Variants in SINHCAF observed in about 807,000 individuals in gnomAD.
SINHCAF encodes the protein SIN3-HDAC complex associated factor.
SINHCAF carries 3 observed loss-of-function variants against 25.8 expected under a neutral mutation model. The observed-to-expected ratio is 0.12, with a 90% CI of 0.05 to 0.30. The LOEUF is 0.30. SINHCAF is among the 10% of genes least tolerant of loss of function. The pLI is 1.00. For synonymous variants in SINHCAF, 70 were observed against 85.5 expected (o/e 0.82, Z 1.00); for missense variants, 121 against 262.3 (o/e 0.46, Z 3.72).
chr12:31,322,681 T>C (rs1007366895), intron 1 of SINHCAF, among the ~76,000 whole-genome samples: 1 of 152,136 alleles, frequency 6.6e-6, no homozygotes, highest in Non-Finnish European at 1.5e-5. Context: ...AACAAAATAA[T>C]GAAAAAAAAT....
intron 1 of SINHCAF, chr12:31,304,494 G>C (rs180772604): frequency 6.6e-6 from 1 of 152,344 alleles, no homozygotes; most frequent in East Asian, 1.9e-4. Context: ...ATAAGTTAGA[G>C]AATTTGTCCC....
rs200154377 is a variant in SINHCAF, at chr12:31,297,880, A to AGC, written c.128+195_128+196dup. 8.9e-3 allele frequency among the ~76,000 whole-genome samples: 1,359 copies of AGC among 152,284 alleles called. 10 individuals carry two copies. The highest frequency in any genetic ancestry group is 0.035 in the East Asian group (182 of 5,178). On this transcript the variant is annotated intron_variant, in intron 2 of 5. Transcript: ENST00000337682. Reference sequence around the variant, plus strand: ...TAAGGGGCTTCACGATTAATGTGGTAGCTCCTCATAATCTGGAAAAAAGTA... The same window carrying AGC: ...TAAGGGGCTTCACGATTAATGTGGTAGCGCTCCTCATAATCTGGAAAAAAGTA...
chr12:31,285,089 T>C (rs973521426), intron 5 of SINHCAF, among the ~76,000 whole-genome samples: 3 of 152,154 alleles, frequency 2.0e-5, no homozygotes, highest in Non-Finnish European at 4.4e-5. Context: ...TTTAGGTGTC[T>C]TTAAATGTTA....
chr12:31,320,730 CTTTT>C (rs569745560), intron 1 of SINHCAF, among the ~76,000 whole-genome samples: 9 of 151,868 alleles, frequency 5.9e-5, no homozygotes, highest in African/African-American at 2.2e-4. Context: ...AAAAAGGAGT[CTTTT>C]TTTAACATTT....
chr12:31,297,467 ATT>A (rs777087270), intron 2 of SINHCAF, among the ~76,000 whole-genome samples: 6 of 103,426 alleles, frequency 5.8e-5, no homozygotes, highest in East Asian at 2.7e-4. Context: ...GTCAAGCGTA[ATT>A]TTTTTTTTTT....
At chr12:31,316,658 T>G (rs2137131284) in intron 1 of SINHCAF, among the ~76,000 whole-genome samples, 1 of 152,322 alleles carries the variant, frequency 6.6e-6, no homozygotes, top group South Asian at 2.1e-4. Flanking sequence ...CAGCGATAGT[T>G]TATATTAAAG....
chr12:31,284,891 CAT>C (rs886868585), intron 5 of SINHCAF, among the ~76,000 whole-genome samples: 1 of 152,166 alleles, frequency 6.6e-6, no homozygotes, highest in African/African-American at 2.4e-5. Context: ...AGTTTATCCA[CAT>C]CTTTCTTTTT....
intron 5 of SINHCAF, among the ~76,000 whole-genome samples, 158 bp downstream of exon 5, chr12:31,287,476 T>TA (rs1231150881): frequency 6.6e-6 from 1 of 152,222 alleles, no homozygotes; most frequent in Non-Finnish European, 1.5e-5. Flanking sequence ...AGGAAGAACA[T>TA]ACAAAAATCC....
chr12:31,310,860 A>T (rs758404078), intron 1 of SINHCAF, among the ~76,000 whole-genome samples: 1 of 150,968 alleles, frequency 6.6e-6, no homozygotes, highest in African/African-American at 2.4e-5. Context: ...ATTTTAATCT[A>T]ATCTACGATC....
rs1938429659 is a variant in SINHCAF at position 31,293,692 on chromosome 12, T to A, written c.355+113A>T. ...CTACCAAGTCAACGTTGCCTTCCAG[T>A]GCTCTTTATAAAAAGCAATAAAGGA... On this transcript the variant is annotated intron_variant, in intron 4 of 5. Coordinates refer to ENST00000337682, the MANE Select transcript of SINHCAF (RefSeq NM_001135812.2). 3.4e-6 allele frequency: 3 copies of A among 894,852 alleles called. No individual in the cohort carries two copies. The South Asian group carries it at 5.9e-5, about 18-fold the overall frequency. The allele number at this position is 894,852 out of a possible 1,614,324, so 55.4% of individuals were successfully genotyped here.
At chr12:31,320,038 T>C (rs1939639436) in intron 1 of SINHCAF, among the ~76,000 whole-genome samples, 1 of 152,186 alleles carries the variant, frequency 6.6e-6, no homozygotes, top group African/African-American at 2.4e-5. Flanking sequence ...CCATCCCCAC[T>C]GCCTGTTTGT....
Position 31,311,695 on chromosome 12 carries a change from A to G in SINHCAF, c.-20-13471T>C, listed in dbSNP as rs561614185. On this transcript the variant is annotated intron_variant, in intron 1 of 5. Coordinates refer to ENST00000337682, the MANE Select transcript of SINHCAF (RefSeq NM_001135812.2). ...AACAATATTTTTGAAGTATGCAAGC[A>G]TTGAGAAAAATGGTGAATTTTTCAT... 13 of 492,792 alleles carry G rather than the reference A, an allele frequency of 2.6e-5. No individual in the cohort carries two copies. The East Asian group carries it at 4.1e-4, about 16-fold the overall frequency. The allele number at this position is 492,792 out of a possible 1,614,324, so 30.5% of individuals were successfully genotyped here. A position where few individuals can be genotyped will look rare whatever the true frequency, so the allele number is the denominator to read the frequency against.
intron 1 of SINHCAF, among the ~76,000 whole-genome samples, chr12:31,308,664 C>G (rs1362965752): frequency 1.3e-5 from 2 of 152,152 alleles, no homozygotes; most frequent in Non-Finnish European, 2.9e-5. Flanking sequence ...AAGTCCGAGT[C>G]TGCTAAATTC....
At chr12:31,318,380 G>A (rs1457445617) in intron 1 of SINHCAF, among the ~76,000 whole-genome samples, 1 of 152,124 alleles carries the variant, frequency 6.6e-6, no homozygotes, top group Admixed American at 6.5e-5. Context: ...ACTGAGAAAG[G>A]GGTAGCAGAC....
At chr12:31,287,820 A>C in intron 4 of SINHCAF, 36 bp from the exon 5 acceptor site, 1 of 1,518,456 alleles carries the variant, frequency 6.6e-7, no homozygotes, top group Non-Finnish European at 9.0e-7. Flanking sequence ...TAAAATTTTC[A>C]ATTTCATTAC....
intron 1 of SINHCAF, among the ~76,000 whole-genome samples, chr12:31,305,689 T>C (rs970152365): frequency 1.3e-5 from 2 of 149,998 alleles, no homozygotes; most frequent in African/African-American, 4.9e-5. Flanking sequence ...TACGGAAATA[T>C]AGGCCAATTT....
At chr12:31,320,828 C>G (rs1939668233) in intron 1 of SINHCAF, among the ~76,000 whole-genome samples, 2 of 151,776 alleles carry the variant, frequency 1.3e-5, no homozygotes, top group South Asian at 4.2e-4. Context: ...CAAGCAGGAG[C>G]AGGGGGAAGG....
intron 1 of SINHCAF, among the ~76,000 whole-genome samples, chr12:31,315,509 A>G (rs1021880782): frequency 3.3e-5 from 5 of 152,236 alleles, no homozygotes; most frequent in Non-Finnish European, 7.3e-5. Flanking sequence ...ATCATCATCT[A>G]TCTGTCTACA....
At position 31,311,976 on chromosome 12, in the gene SINHCAF, T is replaced by C. The variant is rs533785494; in HGVS notation, c.-20-13752A>G. The C allele has an allele frequency of 5.7e-6, 4 of 696,962 alleles. No homozygotes were observed. In the East Asian group the frequency reaches 1.7e-4, roughly 30 times the overall value. The allele number at this position is 696,962 out of a possible 1,614,324, so 43.2% of individuals were successfully genotyped here. ...CTGGGTGCCCCTGATACTTTGTTTA[T>C]GGTAGCCTTTCAGCTAGCTGTTTGA... On this transcript the variant is annotated intron_variant, in intron 1 of 5. Coordinates refer to ENST00000337682, the MANE Select transcript of SINHCAF (RefSeq NM_001135812.2).
Sources: allele counts gnomAD v4.1 joint callset (sites outside exome capture counted in the v4.1 genomes callset), GRCh38; gene constraint gnomAD v4.1.1; transcripts MANE v1.5; gene names NCBI Gene and HGNC (gene_info 2026-07-23, HGNC 2026-07-21).